ERGIC1: variants seen among roughly 807,000 people sequenced by gnomAD.
ERGIC1 encodes the protein endoplasmic reticulum-golgi intermediate compartment 1.
A neutral mutation model predicts 38.3 loss-of-function variants in ERGIC1; 19 were observed. The ratio of observed to expected loss-of-function variants is 0.50; its 90% CI spans 0.35 to 0.73. The LOEUF is 0.73. Among genes scored for constraint, ERGIC1 ranks in the 30% least tolerant of loss-of-function variants. ERGIC1 has a pLI of 0.01. For missense variants in ERGIC1, 294 were observed against 389.2 expected, an observed-to-expected ratio of 0.76 and a Z score of 2.06; for synonymous variants, 124 against 157.6, an observed-to-expected ratio of 0.79 and a Z score of 1.60.
At chr5:172,913,946 C>T (rs996784491) in intron 4 of ERGIC1, among the ~76,000 whole-genome samples, 1 of 152,080 alleles carries the variant, frequency 6.6e-6, no homozygotes, top group Non-Finnish European at 1.5e-5. Flanking sequence ...CCCAAAAACT[C>T]TCTGAAGGCC....
At chr5:172,940,812 T>C (rs569212571) in intron 9 of ERGIC1, among the ~76,000 whole-genome samples, 13 of 152,300 alleles carry the variant, frequency 8.5e-5, no homozygotes, top group African/African-American at 3.1e-4. Context: ...GCTGCCCTCT[T>C]TCATGCTTTC....
At chr5:172,892,062 G>GTTTTTTTTTTT (rs573472747) in intron 2 of ERGIC1, among the ~76,000 whole-genome samples, 2 of 90,224 alleles carry the variant, frequency 2.2e-5, no homozygotes, top group African/African-American at 4.1e-5. Flanking sequence ...TAAAGAGTAT[G>GTTTTTTTTTTT]TTTTTTTTTT....
chr5:172,859,071 G>A (rs1761630508), intron 1 of ERGIC1, among the ~76,000 whole-genome samples: 1 of 152,182 alleles, frequency 6.6e-6, no homozygotes, highest in African/African-American at 2.4e-5. Flanking sequence ...GCCCTTACCG[G>A]GGAGGGCTCT....
chr5:172,873,909 A>G (rs1024132456), intron 1 of ERGIC1, among the ~76,000 whole-genome samples: 1 of 152,180 alleles, frequency 6.6e-6, no homozygotes, highest in Admixed American at 6.5e-5. Flanking sequence ...GTGCAGGCTA[A>G]AAGTCTTAGG....
intron 9 of ERGIC1, among the ~76,000 whole-genome samples, chr5:172,946,346 C>T (rs1359744954): frequency 1.3e-5 from 2 of 152,238 alleles, no homozygotes; most frequent in Admixed American, 1.3e-4. Context: ...CAGGGAAATG[C>T]CAATCAGCGT....
At chr5:172,923,072 T>TAGG (rs1222194207) in intron 5 of ERGIC1, among the ~76,000 whole-genome samples, 5 of 149,096 alleles carry the variant, frequency 3.4e-5, no homozygotes, top group Middle Eastern at 3.5e-3. Flanking sequence ...TCTGAGCATC[T>TAGG]AGGAGGAGGA....
chr5:172,853,073 G>A (rs1761452837), intron 1 of ERGIC1, among the ~76,000 whole-genome samples: 1 of 151,360 alleles, frequency 6.6e-6, no homozygotes, highest in African/African-American at 2.4e-5. Context: ...GTGTGTATGT[G>A]TAGATATGAG....
chr5:172,935,339 C>A, intron 9 of ERGIC1, 29 bp downstream of exon 9: 2 of 1,613,338 alleles, frequency 1.2e-6, no homozygotes, highest in Non-Finnish European at 1.7e-6. Context: ...TGGGTGGGGC[C>A]CTGAGCCAGC....
intron 1 of ERGIC1, among the ~76,000 whole-genome samples, chr5:172,858,737 C>T (rs1425884124): frequency 3.9e-5 from 6 of 152,210 alleles, no homozygotes; most frequent in East Asian, 1.9e-4. Context: ...ACCAGCCCCC[C>T]GCTGGCATGG....
chr5:172,935,447 C>T, intron 9 of ERGIC1, 137 bp downstream of exon 9: 1 of 1,168,642 alleles, frequency 8.6e-7, no homozygotes, highest in East Asian at 2.5e-5. Flanking sequence ...TGGCTGGGCA[C>T]AGGAGGCTTC....
At chr5:172,867,629 A>G in intron 1 of ERGIC1, 1 of 349,620 alleles carries the variant, frequency 2.9e-6, no homozygotes, top group Middle Eastern at 3.8e-4. Flanking sequence ...GCAGGAGGGC[A>G]CTCACCTCTC....
At chr5:172,850,402 A>G (rs1761375239) in intron 1 of ERGIC1, among the ~76,000 whole-genome samples, 1 of 150,884 alleles carries the variant, frequency 6.6e-6, no homozygotes, top group South Asian at 2.1e-4. Flanking sequence ...CCAGAGCATG[A>G]CAAGTCAGCC....
intron 1 of ERGIC1, among the ~76,000 whole-genome samples, chr5:172,845,759 A>T (rs955186509): frequency 6.6e-6 from 1 of 152,150 alleles, no homozygotes; most frequent in Non-Finnish European, 1.5e-5. Flanking sequence ...CCATTACCAC[A>T]TTCTCACCAC....
chr5:172,937,503 A>G (rs1162707434), intron 9 of ERGIC1: 1 of 152,182 alleles, frequency 6.6e-6, no homozygotes, highest in Non-Finnish European at 1.5e-5. Flanking sequence ...CCCTCCCTAC[A>G]AAAGAAAAGT....
At chr5:172,883,963 A>T (rs2113235794) in intron 1 of ERGIC1, among the ~76,000 whole-genome samples, 1 of 152,302 alleles carries the variant, frequency 6.6e-6, no homozygotes, top group Admixed American at 6.5e-5. Context: ...CCTGGGTCAC[A>T]GTGAGACCCT....
intron 8 of ERGIC1, chr5:172,932,800 C>A: frequency 2.3e-6 from 1 of 442,252 alleles, no homozygotes; most frequent in Non-Finnish European, 4.0e-6. Context: ...TAGTCTCTGT[C>A]CTACAAAGGT....
At chr5:172,874,746 C>T (rs1216330653) in intron 1 of ERGIC1, among the ~76,000 whole-genome samples, 1 of 151,692 alleles carries the variant, frequency 6.6e-6, no homozygotes, top group East Asian at 1.9e-4. Flanking sequence ...GGCAACATGG[C>T]AAAACCCCGT....
At chr5:172,910,842 A>G (rs1404607254) in intron 4 of ERGIC1, among the ~76,000 whole-genome samples, 1 of 152,156 alleles carries the variant, frequency 6.6e-6, no homozygotes, top group Admixed American at 6.5e-5. Context: ...AATTACTTCT[A>G]CAAAACAAAA....
At chr5:172,895,242 G>A (rs567422436) in intron 2 of ERGIC1, among the ~76,000 whole-genome samples, 1 of 152,196 alleles carries the variant, frequency 6.6e-6, no homozygotes, top group African/African-American at 2.4e-5. Context: ...TACCTGCCGG[G>A]CTCTGTTTCA....
Sources: gnomAD v4.1 joint callset for allele counts (sites outside exome capture counted in the v4.1 genomes callset) on GRCh38, gnomAD v4.1.1 for gene constraint, MANE v1.5 for transcripts, NCBI Gene and HGNC (gene_info 2026-07-23, HGNC 2026-07-21) for gene names.